Variants in SLCO3A1 observed in about 807,000 individuals in gnomAD.
SLCO3A1 encodes the protein PGE1 transporter.
SLCO3A1 carries 27 observed loss-of-function variants against 63.1 expected under a neutral mutation model. The ratio of observed to expected loss-of-function variants is 0.43; its 90% confidence interval spans 0.32 to 0.59. The LOEUF (loss-of-function observed/expected upper bound fraction) is 0.59, where lower values mean the gene tolerates loss of function less well. Among genes scored for constraint, SLCO3A1 ranks in the 20% least tolerant of loss-of-function variants. The probability of loss-of-function intolerance (pLI) is 0.09; values close to 1 mark genes in which losing one functional copy is unlikely to be tolerated. For missense variants in SLCO3A1, 773 were observed against 945.8 expected, an observed-to-expected ratio of 0.82 and a Z score of 2.40; for synonymous variants, 473 against 409.9, an observed-to-expected ratio of 1.15 and a Z score of -1.86.
At position 91,957,034 on chromosome 15, in the gene SLCO3A1, A is replaced by G. The variant is rs7163235; in HGVS notation, c.646+40576A>G. Among the ~76,000 whole-genome samples the G allele has an allele frequency of 9.2e-3, 12 of 1,306 alleles. 4 individuals are homozygous for G. The East Asian group carries it at 0.17, about 19-fold the overall frequency. 0.9% of individuals were successfully genotyped at this position (1,306 alleles called of 152,430 possible). A position where few individuals can be genotyped will look rare whatever the true frequency, so the allele number is the denominator to read the frequency against. ...TAATATATAGTATATATAATATATA[A>G]TATATAGTATATATATAATATATAC... On this transcript the variant is annotated intron_variant, in intron 2 of 9. Transcript: ENST00000318445.
chr15:92,071,392 G>A (rs1248788956), intron 2 of SLCO3A1, among the ~76,000 whole-genome samples: 1 of 152,226 alleles, frequency 6.6e-6, no homozygotes, highest in Non-Finnish European at 1.5e-5. Context: ...ACAGGACAGT[G>A]TGGAGGGCTC....
In SLCO3A1 at chr15:91,954,820, C is replaced by T. The variant is rs1226212638; in HGVS notation, c.646+38362C>T. On this transcript the variant is annotated intron_variant, in intron 2 of 9. Transcript: ENST00000318445. This position sits in a 1 kb window ranked among gnomAD's most constrained non-coding sequence, Gnocchi z 4.7. ...GGAAGGAGTCCATCACTGGCCTAGA[C>T]ACCATACCCTGAACCGCCCCCCGTG... Among the ~76,000 whole-genome samples the T allele has an allele frequency of 1.3e-5, 2 of 152,104 alleles. No homozygotes were observed. Among genetic ancestry groups the T allele is most frequent in the Non-Finnish European group, 2.9e-5 (2 of 68,006 alleles).
intron 2 of SLCO3A1, among the ~76,000 whole-genome samples, chr15:92,019,896 C>T (rs534359711): frequency 9.9e-5 from 15 of 152,194 alleles, no homozygotes; most frequent in East Asian, 5.8e-4. Flanking sequence ...TGCCCAGATA[C>T]GGAAGAGGAG....
At chr15:92,139,418 G>T (rs543570281) in intron 7 of SLCO3A1, among the ~76,000 whole-genome samples, 2 of 152,058 alleles carry the variant, frequency 1.3e-5, no homozygotes, top group Non-Finnish European at 2.9e-5. Flanking sequence ...GTTCATCAAG[G>T]ATATTGGTCT....
At chr15:92,065,124 C>T (rs1006573640) in intron 2 of SLCO3A1, among the ~76,000 whole-genome samples, 1 of 151,804 alleles carries the variant, frequency 6.6e-6, no homozygotes, top group African/African-American at 2.4e-5. Flanking sequence ...GCTTTGTCAC[C>T]CAAGCTGGAG....
intron 6 of SLCO3A1, among the ~76,000 whole-genome samples, chr15:92,128,068 A>G (rs867619346): frequency 2.4e-4 from 36 of 152,162 alleles, no homozygotes; most frequent in South Asian, 2.1e-4. Context: ...TCGCTTCATG[A>G]GAGGGGCTGG....
At chr15:92,010,213 G>A (rs1163064668) in intron 2 of SLCO3A1, among the ~76,000 whole-genome samples, 1 of 152,202 alleles carries the variant, frequency 6.6e-6, no homozygotes, top group East Asian at 1.9e-4. Flanking sequence ...ATACTCAGGT[G>A]ATCTATGTAA....
intron 2 of SLCO3A1, among the ~76,000 whole-genome samples, chr15:92,067,712 T>G (rs2047168078): frequency 6.6e-6 from 1 of 152,222 alleles, no homozygotes; most frequent in Non-Finnish European, 1.5e-5. Flanking sequence ...CTTTGTGGTT[T>G]CCCTTGTAGC....
At chr15:92,048,485 C>T (rs1432092542) in intron 2 of SLCO3A1, among the ~76,000 whole-genome samples, 2 of 152,150 alleles carry the variant, frequency 1.3e-5, no homozygotes, top group African/African-American at 2.4e-5. Context: ...CAGACCAGAT[C>T]GTTGTTGCTT....
intron 4 of SLCO3A1, among the ~76,000 whole-genome samples, chr15:92,109,336 C>T (rs1214320634): frequency 2.6e-5 from 4 of 152,170 alleles, no homozygotes; most frequent in African/African-American, 4.8e-5. Flanking sequence ...GAATAAGTGG[C>T]GTCAGCAGGT....
chr15:91,982,029 G>A (rs866761540), intron 2 of SLCO3A1, among the ~76,000 whole-genome samples: 31 of 152,388 alleles, frequency 2.0e-4, no homozygotes, highest in Non-Finnish European at 4.0e-4. Flanking sequence ...GGAGAGGGGC[G>A]TGCCCACAGC....
chr15:92,130,259 T>C (rs2047976452), intron 7 of SLCO3A1, among the ~76,000 whole-genome samples: 2 of 152,262 alleles, frequency 1.3e-5, no homozygotes, highest in Non-Finnish European at 2.9e-5. Flanking sequence ...ATCCCACTGC[T>C]GAAACAGCGA....
intron 1 of SLCO3A1, among the ~76,000 whole-genome samples, chr15:91,898,408 G>A (rs1408101157): frequency 6.6e-6 from 1 of 152,136 alleles, no homozygotes; most frequent in East Asian, 1.9e-4. Context: ...TGTCTCTCTT[G>A]GCTTTCAGCT....
intron 2 of SLCO3A1, among the ~76,000 whole-genome samples, chr15:92,032,681 C>G (rs1247967919): frequency 6.6e-6 from 1 of 152,140 alleles, no homozygotes; most frequent in Non-Finnish European, 1.5e-5. Context: ...TGGGCAGCAT[C>G]TTGCAGGTGC....
chr15:92,154,515 C>T (rs987192451), intron 9 of SLCO3A1, among the ~76,000 whole-genome samples: 8 of 152,220 alleles, frequency 5.3e-5, no homozygotes, highest in African/African-American at 1.7e-4. Context: ...CCATACTGGA[C>T]AATGAGGGGG....
In SLCO3A1 at chr15:92,033,144, A is replaced by G. The variant is rs917072796; in HGVS notation, c.647-61737A>G. Among the ~76,000 whole-genome samples, 13 of 152,314 alleles carry G rather than the reference A, an allele frequency of 8.5e-5. No homozygotes were observed. The highest frequency in any genetic ancestry group is 1.6e-4 in the Non-Finnish European group (11 of 68,034). ...CCAAAGAATCTCACGTGTAAAAAAA[A>G]CAAAAGAACTCCATGGATGGGGCAT... On this transcript the variant is annotated intron_variant, in intron 2 of 9. Coordinates refer to ENST00000318445, the MANE Select transcript of SLCO3A1 (RefSeq NM_013272.4). This position sits in a 1 kb window ranked among gnomAD's most constrained non-coding sequence, Gnocchi z 4.5.
intron 2 of SLCO3A1, among the ~76,000 whole-genome samples, chr15:92,004,362 G>A (rs1183815479): frequency 6.6e-6 from 1 of 152,226 alleles, no homozygotes; most frequent in Non-Finnish European, 1.5e-5. Flanking sequence ...GATTAAGTGA[G>A]ATAATGTATG....
At chr15:92,122,904 T>C (rs1438204236) in intron 5 of SLCO3A1, among the ~76,000 whole-genome samples, 1 of 152,176 alleles carries the variant, frequency 6.6e-6, no homozygotes, top group Non-Finnish European at 1.5e-5. Context: ...AGCACATATT[T>C]AGATGAATTA....
chr15:92,106,217 G>T (rs2047666021), intron 4 of SLCO3A1, among the ~76,000 whole-genome samples: 1 of 152,180 alleles, frequency 6.6e-6, no homozygotes, highest in South Asian at 2.1e-4. Flanking sequence ...TTCCATGATG[G>T]TTTCTACCAA....
Sources: gnomAD v4.1 joint callset for allele counts (sites outside exome capture counted in the v4.1 genomes callset) on GRCh38, gnomAD v4.1.1 for gene constraint, Gnocchi (gnomAD v3.1) non-coding constraint, MANE v1.5 for transcripts, NCBI Gene and HGNC (gene_info 2026-07-23, HGNC 2026-07-21) for gene names.